Variants in MAD1L1 observed in about 807,000 individuals in gnomAD.
MAD1L1 encodes the protein mitotic spindle assembly checkpoint protein MAD1.
MAD1L1 carries 95 observed loss-of-function variants against 96.9 expected under a neutral mutation model. The observed-to-expected ratio is 0.98, with a 90% confidence interval of 0.83 to 1.16. The LOEUF (loss-of-function observed/expected upper bound fraction) is 1.16. MAD1L1 is among the 50% of genes most tolerant of loss of function. MAD1L1 has a pLI of 0.00. For synonymous variants in MAD1L1, 473 were observed against 396.6 expected (o/e 1.19, Z -2.29); for missense variants, 1,007 against 954.4 (o/e 1.06, Z -0.73).
chr7:2,159,496 C>T (rs562047957), intron 10 of MAD1L1, among the ~76,000 whole-genome samples: 1 of 152,356 alleles, frequency 6.6e-6, no homozygotes, highest in East Asian at 1.9e-4. Flanking sequence ...AGCTGAGATC[C>T]TGCATCTTTC....
intron 18 of MAD1L1, among the ~76,000 whole-genome samples, chr7:1,879,501 A>G (rs907755401): frequency 2.0e-5 from 3 of 152,084 alleles, no homozygotes; most frequent in African/African-American, 7.2e-5. Flanking sequence ...AAATTGATCT[A>G]CAGATTGAAT....
chr7:1,898,152 G>GGAGACAGAGAGC, intron 18 of MAD1L1, 48 bp downstream of exon 18: 1 of 1,543,936 alleles, frequency 6.5e-7, no homozygotes, highest in Non-Finnish European at 8.8e-7. Context: ...CCCCACAGGA[G>GGAGACAGAGAGC]GAGACAGAGA....
At chr7:1,957,740 T>A in intron 15 of MAD1L1, 21 bp from the exon 16 acceptor site, 1 of 1,612,828 alleles carries the variant, frequency 6.2e-7, no homozygotes, top group Non-Finnish European at 8.5e-7. Context: ...AGCAAGACGG[T>A]GACCAGGTGT....
rs555031421 is a variant in MAD1L1 at position 2,172,851 on chromosome 7, T to C, written c.987-23613A>G. On this transcript the variant is annotated intron_variant, in intron 10 of 18. Coordinates refer to ENST00000265854, the MANE Select transcript of MAD1L1 (RefSeq NM_001013836.2). ...GTGGGGCGAAGTCAGAAGTCAGAGG[T>C]GCTCGAGGCTGCCCCATCAGATGGC... 2.0e-5 allele frequency among the ~76,000 whole-genome samples: 3 copies of C among 152,224 alleles called. No individual in the cohort carries two copies. The South Asian group carries it at 6.2e-4, about 32-fold the overall frequency.
chr7:2,060,362 CCAAGATACACCGATGCCGAGATGT>C (rs917029649), intron 12 of MAD1L1, among the ~76,000 whole-genome samples: 1 of 151,026 alleles, frequency 6.6e-6, no homozygotes, highest in Non-Finnish European at 1.5e-5. Flanking sequence ...TATGCTGATG[CCAAGATACACCGATGCCGAGATGT>C]CAAGATACGC....
intron 14 of MAD1L1, among the ~76,000 whole-genome samples, chr7:1,984,166 A>C (rs1044281119): frequency 6.6e-6 from 1 of 152,248 alleles, no homozygotes; most frequent in African/African-American, 2.4e-5. Context: ...TCTTTGAACC[A>C]AGAATTGTTT....
chr7:2,065,475 G>A (rs778619684), intron 12 of MAD1L1, among the ~76,000 whole-genome samples: 61 of 152,288 alleles, frequency 4.0e-4, no homozygotes, highest in Non-Finnish European at 5.4e-4. Context: ...TATGGCAGTG[G>A]GCAGATCTGA....
At chr7:2,137,332 C>T (rs895542727) in intron 11 of MAD1L1, among the ~76,000 whole-genome samples, 1 of 152,252 alleles carries the variant, frequency 6.6e-6, no homozygotes, top group African/African-American at 2.4e-5. Flanking sequence ...AAGATGTTCG[C>T]TTGCAAAGGA....
intron 10 of MAD1L1, among the ~76,000 whole-genome samples, chr7:2,153,406 G>C (rs1245163989): frequency 6.6e-6 from 1 of 152,130 alleles, no homozygotes; most frequent in African/African-American, 2.4e-5. Context: ...ATTTCTCAAA[G>C]GATGACATGC....
intron 11 of MAD1L1, among the ~76,000 whole-genome samples, chr7:2,132,283 A>G (rs780375771): frequency 3.3e-5 from 5 of 152,174 alleles, no homozygotes; most frequent in Admixed American, 6.5e-5. Flanking sequence ...ATTCATTACA[A>G]CTGATGAACC....
At chr7:2,075,827 C>T (rs1041049792) in intron 11 of MAD1L1, among the ~76,000 whole-genome samples, 17 of 152,220 alleles carry the variant, frequency 1.1e-4, no homozygotes, top group Non-Finnish European at 2.1e-4. Context: ...CTTCCACGCA[C>T]GACCCATTCC....
At chr7:2,055,118 G>A (rs1428024060) in intron 12 of MAD1L1, among the ~76,000 whole-genome samples, 2 of 152,228 alleles carry the variant, frequency 1.3e-5, no homozygotes, top group African/African-American at 2.4e-5. Flanking sequence ...CTCCCTCCAG[G>A]CACTAGGCAG....
intron 18 of MAD1L1, among the ~76,000 whole-genome samples, chr7:1,869,755 G>A (rs1464576909): frequency 1.3e-5 from 2 of 152,184 alleles, no homozygotes; most frequent in African/African-American, 2.4e-5. Context: ...TGGAGATCAC[G>A]TGCGTGGGCT....
intron 11 of MAD1L1, among the ~76,000 whole-genome samples, chr7:2,099,288 G>A (rs979986566): frequency 1.3e-5 from 2 of 152,198 alleles, no homozygotes; most frequent in African/African-American, 2.4e-5. Context: ...TCCGGCGCCC[G>A]GCCCACTGTG....
intron 12 of MAD1L1, among the ~76,000 whole-genome samples, chr7:2,060,778 A>G (rs1033789072): frequency 3.3e-5 from 5 of 152,248 alleles, no homozygotes; most frequent in Non-Finnish European, 7.3e-5. Flanking sequence ...CAAAAGCAGC[A>G]ACATATAAAA....
At chr7:2,055,379 C>T (rs1239180184) in intron 12 of MAD1L1, among the ~76,000 whole-genome samples, 1 of 152,136 alleles carries the variant, frequency 6.6e-6, no homozygotes, top group Non-Finnish European at 1.5e-5. Flanking sequence ...ACGATCCAGG[C>T]CTCTGCCACC....
intron 9 of MAD1L1, among the ~76,000 whole-genome samples, 154 bp downstream of exon 9, chr7:2,215,731 T>C (rs376759943): frequency 1.1e-4 from 17 of 152,292 alleles, no homozygotes; most frequent in African/African-American, 3.6e-4. Flanking sequence ...GGATGAGGCA[T>C]GGACCTCTCT....
intron 18 of MAD1L1, among the ~76,000 whole-genome samples, chr7:1,855,344 A>G (rs548350326): frequency 6.6e-6 from 1 of 151,926 alleles, no homozygotes; most frequent in Non-Finnish European, 1.5e-5. Context: ...CAGCGATGAC[A>G]GCGACAAGCT....
chr7:2,006,975 C>T (rs976570451), intron 13 of MAD1L1, among the ~76,000 whole-genome samples: 1 of 152,038 alleles, frequency 6.6e-6, no homozygotes, highest in African/African-American at 2.4e-5. Flanking sequence ...AGCTCAGAGC[C>T]GCGGGAGGGG....
Sources: allele counts gnomAD v4.1 joint callset (sites outside exome capture counted in the v4.1 genomes callset), GRCh38; gene constraint gnomAD v4.1.1; transcripts MANE v1.5; gene names NCBI Gene and HGNC (gene_info 2026-07-23, HGNC 2026-07-21).